Variants in EVI5 observed in about 807,000 individuals in gnomAD.
EVI5 encodes ecotropic viral integration site 5.
A neutral mutation model predicts 112.0 loss-of-function variants in EVI5; 73 were observed. That is an observed-to-expected ratio of 0.65 (90% CI 0.54 to 0.79). The LOEUF (loss-of-function observed/expected upper bound fraction) is 0.79, where lower values mean the gene tolerates loss of function less well. Ranked by LOEUF, EVI5 falls within the 30% of genes least tolerant of loss-of-function variation. EVI5 has a pLI of 0.00. For missense variants in EVI5, 900 were observed against 968.8 expected, an observed-to-expected ratio of 0.93 and a Z score of 0.94; for synonymous variants, 305 against 319.9, an observed-to-expected ratio of 0.95 and a Z score of 0.50.
intron 2 of EVI5, among the ~76,000 whole-genome samples, chr1:92,708,692 T>A (rs563151025): frequency 6.6e-6 from 1 of 151,768 alleles, no homozygotes; most frequent in East Asian, 1.9e-4. Context: ...ATTCATGATA[T>A]CAAAAAAAAG....
At chr1:92,710,288 T>G (rs947720993) in intron 2 of EVI5, among the ~76,000 whole-genome samples, 12 of 151,594 alleles carry the variant, frequency 7.9e-5, no homozygotes, top group Non-Finnish European at 1.6e-4. Context: ...GACTGCAGTG[T>G]GCCATGATTG....
chr1:92,686,491 A>G (rs1228093223), intron 9 of EVI5, among the ~76,000 whole-genome samples: 6 of 152,190 alleles, frequency 3.9e-5, no homozygotes, highest in African/African-American at 1.2e-4. Context: ...GCACAAGGCA[A>G]GGATGCCCTC....
At chr1:92,699,507 T>C (rs1670806811) in intron 5 of EVI5, among the ~76,000 whole-genome samples, 1 of 152,180 alleles carries the variant, frequency 6.6e-6, no homozygotes. Flanking sequence ...AGGTAGTTGT[T>C]TTCTCTTTTC....
At chr1:92,692,413 C>G (rs1669631480) in intron 9 of EVI5, among the ~76,000 whole-genome samples, 1 of 152,144 alleles carries the variant, frequency 6.6e-6, no homozygotes, top group Non-Finnish European at 1.5e-5. Flanking sequence ...GGCACAGCGG[C>G]TTTTTGTCTA....
chr1:92,739,567 C>CT (rs1678024390), intron 1 of EVI5, among the ~76,000 whole-genome samples: 1 of 151,992 alleles, frequency 6.6e-6, no homozygotes, highest in Admixed American at 6.6e-5. Context: ...GAATTATACA[C>CT]TTTAAAAGGA....
intron 19 of EVI5, among the ~76,000 whole-genome samples, chr1:92,522,693 T>C (rs918534015): frequency 2.6e-5 from 4 of 151,164 alleles, no homozygotes; most frequent in Non-Finnish European, 5.9e-5. Context: ...CTGGTTTCCC[T>C]ACAACTTTGC....
At chr1:92,592,265 C>T in intron 18 of EVI5, among the ~76,000 whole-genome samples, 1 of 152,068 alleles carries the variant, frequency 6.6e-6, no homozygotes, top group Non-Finnish European at 1.5e-5. Flanking sequence ...AAAAAAGAAA[C>T]TCACTCAAAA....
intron 13 of EVI5, among the ~76,000 whole-genome samples, chr1:92,639,378 TG>T (rs1452708101): frequency 2.6e-5 from 4 of 152,016 alleles, no homozygotes; most frequent in Admixed American, 1.3e-4. Context: ...ATATTTGTAT[TG>T]GGGGAAGTTT....
intron 16 of EVI5, among the ~76,000 whole-genome samples, chr1:92,621,478 A>AT (rs1654587792): frequency 1.3e-5 from 2 of 151,900 alleles, no homozygotes; most frequent in African/African-American, 4.8e-5. Context: ...CACCTGGATA[A>AT]TTTTTTTGTA....
chr1:92,723,092 C>T (rs1444786747), intron 2 of EVI5, among the ~76,000 whole-genome samples: 1 of 152,218 alleles, frequency 6.6e-6, no homozygotes, highest in Non-Finnish European at 1.5e-5. Context: ...CTTCAAGCTA[C>T]TGTTGTCTGT....
intron 6 of EVI5, among the ~76,000 whole-genome samples, chr1:92,695,934 C>G: frequency 6.9e-6 from 1 of 144,468 alleles, no homozygotes; most frequent in South Asian, 2.2e-4. Context: ...ATAAATGAGA[C>G]TTTTTTTTTT....
At chr1:92,757,603 A>C (rs539243291) in intron 1 of EVI5, among the ~76,000 whole-genome samples, 2 of 151,120 alleles carry the variant, frequency 1.3e-5, no homozygotes, top group Admixed American at 6.6e-5. Context: ...TTATTTTTAA[A>C]AAGAAAAAAA....
upstream of EVI5, among the ~76,000 whole-genome samples, chr1:92,789,580 G>T (rs1189850548): frequency 6.6e-6 from 1 of 152,166 alleles, no homozygotes; most frequent in Non-Finnish European, 1.5e-5. Context: ...GAGATTACAG[G>T]CATGAACCAC....
Position 92,615,414 on chromosome 1 carries a change from G to A in EVI5, c.1828-7687C>T, listed in dbSNP as rs561881131. Among the ~76,000 whole-genome samples the A allele has an allele frequency of 1.6e-4, 24 of 152,302 alleles. 1 individual carries two copies. Among genetic ancestry groups the A allele is most frequent in the African/African-American group, 5.3e-4 (22 of 41,576 alleles). The stretch of plus-strand genomic sequence containing the variant: ...TTCATGCGAGTGGCTGACCTGCAAC[G>A]AAAGATGCATGCACAGCCTTGCCAG... On this transcript the variant is annotated intron_variant, in intron 16 of 19. Coordinates refer to ENST00000684568, the MANE Select transcript of EVI5 (RefSeq NM_001350197.2).
chr1:92,594,676 G>A (rs1647243029), intron 18 of EVI5, among the ~76,000 whole-genome samples: 2 of 151,954 alleles, frequency 1.3e-5, no homozygotes, highest in South Asian at 4.2e-4. Context: ...ATCTGACAAA[G>A]GGCTAATATC....
intron 13 of EVI5, among the ~76,000 whole-genome samples, chr1:92,648,539 C>G (rs145685358): frequency 6.6e-6 from 1 of 152,014 alleles, no homozygotes; most frequent in African/African-American, 2.4e-5. Context: ...TTATCTTTCC[C>G]CCATCACCAC....
Position 92,510,526 on chromosome 1 carries a change from GACC to G in EVI5, c.*3127_*3129del, listed in dbSNP as rs1386288027. On this transcript the variant is annotated 3_prime_UTR_variant, in exon 20 of 20. Coordinates refer to ENST00000684568, the MANE Select transcript of EVI5 (RefSeq NM_001350197.2). Reference sequence around the variant, plus strand: ...GCTTAATAGCAAAAGCAAACAATTTGACCTACCACTGAGCTAAATTGAAGAAGA... The same window carrying G: ...GCTTAATAGCAAAAGCAAACAATTTGTACCACTGAGCTAAATTGAAGAAGA... 6.6e-6 allele frequency: 1 copy of G among 152,134 alleles called. No individual in the cohort carries two copies. The highest frequency in any genetic ancestry group is 1.5e-5 in the Non-Finnish European group (1 of 68,026). 9.4% of individuals were successfully genotyped at this position (152,134 alleles called of 1,614,324 possible).
At chr1:92,680,557 TAAAAC>T in intron 9 of EVI5, among the ~76,000 whole-genome samples, 1 of 152,248 alleles carries the variant, frequency 6.6e-6, no homozygotes, top group East Asian at 1.9e-4. Flanking sequence ...TAAATGGATA[TAAAAC>T]TGGTATGGTT....
chr1:92,709,699 C>T (rs751710778), intron 2 of EVI5, among the ~76,000 whole-genome samples: 1 of 151,944 alleles, frequency 6.6e-6, no homozygotes, highest in Non-Finnish European at 1.5e-5. Flanking sequence ...GAAGTCTCTC[C>T]CCAGTGAACT....
Sources: gnomAD v4.1 joint callset for allele counts (sites outside exome capture counted in the v4.1 genomes callset) on GRCh38, gnomAD v4.1.1 for gene constraint, MANE v1.5 for transcripts, NCBI Gene and HGNC (gene_info 2026-07-23, HGNC 2026-07-21) for gene names.